Variants in PARD3 observed in about 807,000 individuals in gnomAD.
PARD3 encodes par-3 family cell polarity regulator.
In PARD3, 75 loss-of-function variants were observed where a neutral mutation model predicts 155.4. That is an observed-to-expected ratio of 0.48 (90% CI 0.40 to 0.58). The LOEUF is 0.58. Ranked by LOEUF, PARD3 falls within the 20% of genes least tolerant of loss-of-function variation. The pLI is 0.00. For missense variants in PARD3, 1,642 were observed against 1,721.7 expected (o/e 0.95, Z 0.82); for synonymous variants, 576 against 610.5 (o/e 0.94, Z 0.83).
At chr10:34,624,862 C>T (rs2091900580) in intron 2 of PARD3, among the ~76,000 whole-genome samples, 1 of 152,226 alleles carries the variant, frequency 6.6e-6, no homozygotes, top group Non-Finnish European at 1.5e-5. Flanking sequence ...GAGAAAGCCT[C>T]CCATGCAACC....
chr10:34,767,430 T>A (rs1250490641), intron 1 of PARD3, among the ~76,000 whole-genome samples: 1 of 151,646 alleles, frequency 6.6e-6, no homozygotes. Flanking sequence ...GAGGTGCACA[T>A]CCTATTAACT....
At chr10:34,641,309 G>T (rs1381468930) in intron 2 of PARD3, among the ~76,000 whole-genome samples, 1 of 152,150 alleles carries the variant, frequency 6.6e-6, no homozygotes, top group Non-Finnish European at 1.5e-5. Flanking sequence ...AATTAACCAG[G>T]TTCTCCCTCC....
intron 2 of PARD3, among the ~76,000 whole-genome samples, chr10:34,595,036 GT>G: frequency 1.3e-5 from 2 of 152,268 alleles, no homozygotes; most frequent in Middle Eastern, 3.4e-3. Flanking sequence ...GCAAAGGACT[GT>G]TATAATGATT....
intron 5 of PARD3, among the ~76,000 whole-genome samples, chr10:34,430,654 C>T (rs1185865885): frequency 6.6e-6 from 1 of 152,116 alleles, no homozygotes; most frequent in Non-Finnish European, 1.5e-5. Context: ...TCAATATTGC[C>T]AAAGTCACAC....
chr10:34,532,148 A>G (rs1454947016), intron 2 of PARD3, among the ~76,000 whole-genome samples: 1 of 152,172 alleles, frequency 6.6e-6, no homozygotes, highest in Non-Finnish European at 1.5e-5. Context: ...GTTTTGATAA[A>G]TTTTAACTTC....
At chr10:34,579,874 G>A (rs1222169639) in intron 2 of PARD3, among the ~76,000 whole-genome samples, 1 of 150,230 alleles carries the variant, frequency 6.7e-6, no homozygotes, top group East Asian at 2.0e-4. Flanking sequence ...CCAAAGTGCT[G>A]GGATTACAGC....
intron 7 of PARD3, among the ~76,000 whole-genome samples, chr10:34,399,100 A>T (rs952756083): frequency 6.6e-6 from 1 of 152,204 alleles, no homozygotes; most frequent in Non-Finnish European, 1.5e-5. Context: ...CAATAAATTT[A>T]TTAGGATAAT....
chr10:34,479,316 C>T (rs930134044), intron 3 of PARD3, among the ~76,000 whole-genome samples: 2 of 151,950 alleles, frequency 1.3e-5, no homozygotes, highest in Admixed American at 6.6e-5. Flanking sequence ...CGCCTGCCAC[C>T]ACGCCCGGCT....
rs768474845 is a variant in PARD3, at chr10:34,401,855, A to C, written c.777T>G (p.Gly259=). ...GAGAAAAGTTGGGTATATGCTCCAAACCCGTGTCAGCATGTCCAACAGGTT... is the reference window on the plus strand; with the variant it reads ...GAGAAAAGTTGGGTATATGCTCCAACCCCGTGTCAGCATGTCCAACAGGTT... ...RVEPVGHADT[G]LEHIPNFSLD... is the part of the protein sequence containing the mutation. The change falls in exon 6 of 25, where the codon GGT becomes GGG. Residue 259 remains glycine (G), a synonymous_variant. Coordinates refer to ENST00000374788, the MANE Select transcript of PARD3 (RefSeq NM_001184785.2). The C allele has an allele frequency of 1.1e-5, 17 of 1,613,394 alleles. No individual in the cohort carries two copies. The African/African-American group carries it at 1.1e-4, about 10-fold the overall frequency.
At chr10:34,557,062 C>T (rs2085064020) in intron 2 of PARD3, among the ~76,000 whole-genome samples, 1 of 152,104 alleles carries the variant, frequency 6.6e-6, no homozygotes, top group South Asian at 2.1e-4. Context: ...GTTCAATGGA[C>T]CCAGGGGTCC....
At chr10:34,261,769 GAAGAAAGAAAGAA>G (rs1440518672) in intron 22 of PARD3, among the ~76,000 whole-genome samples, 3 of 67,760 alleles carry the variant, frequency 4.4e-5, no homozygotes, top group East Asian at 4.0e-4. Flanking sequence ...AGGAAGGAAG[GAAGAAAGAAAGAA>G]AAGAAAGAAA....
intron 2 of PARD3, among the ~76,000 whole-genome samples, chr10:34,594,223 T>C (rs2089008465): frequency 6.6e-6 from 1 of 152,194 alleles, no homozygotes; most frequent in South Asian, 2.1e-4. Context: ...AACCTAAGCA[T>C]GCTCTTGGAA....
intron 21 of PARD3, among the ~76,000 whole-genome samples, chr10:34,276,882 C>T (rs1238514609): frequency 6.6e-6 from 1 of 152,078 alleles, no homozygotes; most frequent in Non-Finnish European, 1.5e-5. Flanking sequence ...GAAATAGAAA[C>T]TGTCTTTTAA....
intron 1 of PARD3, among the ~76,000 whole-genome samples, chr10:34,793,745 C>T (rs1841937997): frequency 6.6e-6 from 1 of 150,882 alleles, no homozygotes; most frequent in Admixed American, 6.6e-5. Flanking sequence ...AAGACTGCGC[C>T]ATTGCCTGGG....
intron 20 of PARD3, among the ~76,000 whole-genome samples, chr10:34,294,290 AG>A (rs1375837937): frequency 1.1e-4 from 17 of 152,244 alleles, no homozygotes; most frequent in African/African-American, 3.9e-4. Flanking sequence ...AACTACTGAC[AG>A]GAAGTGATAC....
chr10:34,541,099 T>C (rs2083579866), intron 2 of PARD3, among the ~76,000 whole-genome samples: 2 of 152,270 alleles, frequency 1.3e-5, no homozygotes, highest in African/African-American at 4.8e-5. Flanking sequence ...TGAAATGCAA[T>C]ATAGAAAATT....
intron 22 of PARD3, among the ~76,000 whole-genome samples, chr10:34,150,604 G>A (rs1357074389): frequency 6.6e-6 from 1 of 152,190 alleles, no homozygotes; most frequent in Admixed American, 6.5e-5. Context: ...GGACTCTGCC[G>A]CAAAAGATTC....
At chr10:34,592,720 A>G (rs1303873714) in intron 2 of PARD3, among the ~76,000 whole-genome samples, 1 of 152,186 alleles carries the variant, frequency 6.6e-6, no homozygotes, top group Non-Finnish European at 1.5e-5. Context: ...GGTTGCAGTG[A>G]GTGGAGATCA....
At chr10:34,727,814 C>A (rs1222745912) in intron 1 of PARD3, among the ~76,000 whole-genome samples, 1 of 142,602 alleles carries the variant, frequency 7.0e-6, no homozygotes, top group Non-Finnish European at 1.5e-5. Context: ...CCTCCCTCCA[C>A]CACACACACA....
Sources: allele counts gnomAD v4.1 joint callset (sites outside exome capture counted in the v4.1 genomes callset), GRCh38; gene constraint gnomAD v4.1.1; transcripts MANE v1.5; gene names NCBI Gene and HGNC (gene_info 2026-07-23, HGNC 2026-07-21).